Variants in ADAMTS17 observed in about 807,000 individuals in gnomAD.
ADAMTS17 encodes ADAM metallopeptidase with thrombospondin type 1 motif 17.
ADAMTS17 carries 113 observed loss-of-function variants against 141.5 expected under a neutral mutation model. The observed-to-expected ratio is 0.80, with a 90% CI of 0.69 to 0.93. ADAMTS17 has a LOEUF of 0.93. Among genes scored for constraint, ADAMTS17 ranks in the 40% least tolerant of loss-of-function variants. The pLI is 0.00. For missense variants in ADAMTS17, 1,659 were observed against 1,517.9 expected, an observed-to-expected ratio of 1.09 and a Z score of -1.54; for synonymous variants, 768 against 630.6, an observed-to-expected ratio of 1.22 and a Z score of -3.27.
chr15:100,162,317 T>C (rs1385758122), intron 8 of ADAMTS17, among the ~76,000 whole-genome samples: 6 of 150,480 alleles, frequency 4.0e-5, no homozygotes, highest in Admixed American at 6.6e-5. Context: ...TATACGTACA[T>C]GTAAGTGTAG....
chr15:100,236,883 C>T (rs2042673893), intron 7 of ADAMTS17, among the ~76,000 whole-genome samples: 1 of 152,134 alleles, frequency 6.6e-6, no homozygotes, highest in African/African-American at 2.4e-5. Context: ...CATGCTCCCT[C>T]TCCTCTGCCC....
intron 14 of ADAMTS17, among the ~76,000 whole-genome samples, chr15:100,102,485 ATCTACATTTGAGGGCCGACCGAAGGG>A: frequency 1.0e-5 from 1 of 96,660 alleles, no homozygotes; most frequent in African/African-American, 4.8e-5. Context: ...ACTGAAGGGG[ATCTACATTTGAGGGCCGACCGAAGGG>A]GATCTACATT....
In ADAMTS17 at chr15:100,152,674, T is replaced by C. The variant is rs1567264481; in HGVS notation, c.1411A>G (p.Ser471Gly). ...AGGATCTGGCACTGCTCGTTGGCACTGTAGTGCATGCCCGGCAGCTTGTGC... is the reference window on the plus strand; with the variant it reads ...AGGATCTGGCACTGCTCGTTGGCACCGTAGTGCATGCCCGGCAGCTTGTGC... ...LPHKLPGMHY[S>G]ANEQCQILFG... Residue 471 changes from serine (S) to glycine (G), a missense_variant, in exon 10 of 22, where the codon AGT becomes GGT. Coordinates refer to ENST00000268070, the MANE Select transcript of ADAMTS17 (RefSeq NM_139057.4). 6.2e-7 allele frequency: 1 copy of C among 1,614,080 alleles called. No individual in the cohort carries two copies. Among genetic ancestry groups the C allele is most frequent in the Non-Finnish European group, 8.5e-7 (1 of 1,180,038 alleles).
chr15:100,094,569 G>A (rs1052357416), intron 15 of ADAMTS17, among the ~76,000 whole-genome samples: 4 of 152,224 alleles, frequency 2.6e-5, no homozygotes, highest in African/African-American at 9.6e-5. Flanking sequence ...ACTTTCCTTA[G>A]TGTTCTACAT....
At chr15:100,314,356 T>C (rs1336811727) in intron 3 of ADAMTS17, among the ~76,000 whole-genome samples, 2 of 152,230 alleles carry the variant, frequency 1.3e-5, no homozygotes, top group East Asian at 1.9e-4. Context: ...CCTAAGTCTA[T>C]CCTTACGTTA....
chr15:100,286,942 G>T (rs1233891129), intron 3 of ADAMTS17, among the ~76,000 whole-genome samples: 1 of 152,158 alleles, frequency 6.6e-6, no homozygotes, highest in African/African-American at 2.4e-5. Context: ...AGATCTGATG[G>T]ACTTTGCAAG....
intron 9 of ADAMTS17, among the ~76,000 whole-genome samples, chr15:100,153,433 G>C (rs1243301179): frequency 6.6e-6 from 1 of 152,058 alleles, no homozygotes; most frequent in Non-Finnish European, 1.5e-5. Context: ...TTGAGGTCAG[G>C]AGTTCAAGAC....
intron 2 of ADAMTS17, among the ~76,000 whole-genome samples, chr15:100,331,259 G>T (rs891970175): frequency 1.3e-5 from 2 of 152,136 alleles, no homozygotes; most frequent in South Asian, 2.1e-4. Flanking sequence ...AGCTGCGTTG[G>T]GGGTAGGGGT....
chr15:100,027,605 G>T (rs967684715), intron 18 of ADAMTS17, among the ~76,000 whole-genome samples: 2 of 152,226 alleles, frequency 1.3e-5, no homozygotes, highest in African/African-American at 4.8e-5. Flanking sequence ...TGCTACAATA[G>T]AATTGAGTAG....
At chr15:100,085,064 G>A (rs1022254492) in intron 15 of ADAMTS17, among the ~76,000 whole-genome samples, 6 of 152,158 alleles carry the variant, frequency 3.9e-5, no homozygotes, top group Admixed American at 1.3e-4. Flanking sequence ...GAGGAAGTTC[G>A]AACCCATGGC....
At chr15:100,314,339 T>A (rs2045495609) in intron 3 of ADAMTS17, among the ~76,000 whole-genome samples, 1 of 152,232 alleles carries the variant, frequency 6.6e-6, no homozygotes, top group African/African-American at 2.4e-5. Context: ...ATAACAGTAT[T>A]GTATCCCCTA....
intron 8 of ADAMTS17, among the ~76,000 whole-genome samples, chr15:100,165,831 C>A (rs77298515): frequency 3.9e-5 from 6 of 152,140 alleles, no homozygotes; most frequent in East Asian, 1.9e-4. Flanking sequence ...CCTCTGCCCC[C>A]CCTCAGGACA....
intron 7 of ADAMTS17, among the ~76,000 whole-genome samples, chr15:100,228,619 C>G (rs539900180): frequency 5.9e-5 from 9 of 152,160 alleles, no homozygotes; most frequent in Non-Finnish European, 1.0e-4. Flanking sequence ...TGAGAGACCA[C>G]GAGAGAGCGC....
At chr15:100,109,510 G>A (rs1276431640) in intron 13 of ADAMTS17, among the ~76,000 whole-genome samples, 1 of 152,094 alleles carries the variant, frequency 6.6e-6, no homozygotes, top group African/African-American at 2.4e-5. Context: ...AGGGGAACGA[G>A]AATGCCTCTG....
At chr15:100,335,806 T>C (rs994159790) in intron 2 of ADAMTS17, among the ~76,000 whole-genome samples, 5 of 152,134 alleles carry the variant, frequency 3.3e-5, no homozygotes, top group African/African-American at 1.2e-4. Flanking sequence ...GGCAGAAAGG[T>C]TCAAAGGAGT....
chr15:100,220,334 G>A (rs967749734), intron 7 of ADAMTS17, among the ~76,000 whole-genome samples: 14 of 152,008 alleles, frequency 9.2e-5, no homozygotes, highest in African/African-American at 1.4e-4. Flanking sequence ...GGGTGGCAGC[G>A]GAAGCATATG....
chr15:100,268,951 A>C (rs2043811601), intron 4 of ADAMTS17, among the ~76,000 whole-genome samples: 1 of 138,088 alleles, frequency 7.2e-6, no homozygotes. Context: ...AATGGAACAG[A>C]AACAGGAACC....
intron 13 of ADAMTS17, among the ~76,000 whole-genome samples, chr15:100,113,466 T>C (rs1274408322): frequency 8.5e-5 from 13 of 152,104 alleles, no homozygotes; most frequent in Admixed American, 8.5e-4. Context: ...CCACTAGCAA[T>C]ACAAATATTT....
At chr15:99,992,948 A>G (rs1406633297) in intron 20 of ADAMTS17, 100 bp downstream of exon 20, 1 of 1,465,918 alleles carries the variant, frequency 6.8e-7, no homozygotes, top group African/African-American at 1.4e-5. Context: ...TTACGCTGGG[A>G]CTGCCGCGTA....
Sources: gnomAD v4.1 joint callset for allele counts (sites outside exome capture counted in the v4.1 genomes callset) on GRCh38, gnomAD v4.1.1 for gene constraint, MANE v1.5 for transcripts, NCBI Gene and HGNC (gene_info 2026-07-23, HGNC 2026-07-21) for gene names.